Variants in CPQ observed in about 807,000 individuals in gnomAD.
CPQ encodes carboxypeptidase Q.
CPQ carries 37 observed loss-of-function variants against 45.7 expected under a neutral mutation model. The ratio of observed to expected loss-of-function variants is 0.81; its 90% CI spans 0.62 to 1.07. The LOEUF (loss-of-function observed/expected upper bound fraction) is 1.07, where lower values mean the gene tolerates loss of function less well. Ranked by LOEUF, CPQ falls within the 50% of genes least tolerant of loss-of-function variation. CPQ has a pLI of 0.00. For missense variants in CPQ, 537 were observed against 572.9 expected (o/e 0.94, Z 0.64); for synonymous variants, 186 against 205.8 (o/e 0.90, Z 0.82).
intron 1 of CPQ, among the ~76,000 whole-genome samples, chr8:96,750,441 T>A (rs1399547993): frequency 6.6e-6 from 1 of 152,060 alleles, no homozygotes; most frequent in Admixed American, 6.6e-5. Context: ...TATTAGCAAA[T>A]TTAATGACTG....
chr8:97,052,067 G>T (rs1274604829), intron 6 of CPQ, among the ~76,000 whole-genome samples: 1 of 152,118 alleles, frequency 6.6e-6, no homozygotes, highest in Admixed American at 6.6e-5. Flanking sequence ...CCCGTCAGTG[G>T]TCCTCACATG....
At chr8:97,097,476 C>G (rs1180481513) in intron 7 of CPQ, among the ~76,000 whole-genome samples, 1 of 152,086 alleles carries the variant, frequency 6.6e-6, no homozygotes, top group Non-Finnish European at 1.5e-5. Flanking sequence ...GTGATTGTAA[C>G]CCCCATTCTT....
At chr8:96,723,442 C>T (rs1586373775) in intron 1 of CPQ, among the ~76,000 whole-genome samples, 1 of 152,124 alleles carries the variant, frequency 6.6e-6, no homozygotes, top group African/African-American at 2.4e-5. Flanking sequence ...ACTCCCTCCA[C>T]CCCTTTGGTT....
At chr8:97,098,279 G>A (rs1045463713) in intron 7 of CPQ, among the ~76,000 whole-genome samples, 1 of 152,096 alleles carries the variant, frequency 6.6e-6, no homozygotes, top group Non-Finnish European at 1.5e-5. Context: ...TAGGATCTGG[G>A]GAGTCAATGA....
intron 1 of CPQ, among the ~76,000 whole-genome samples, chr8:96,773,587 G>T (rs982384552): frequency 2.0e-5 from 3 of 152,296 alleles, no homozygotes; most frequent in Admixed American, 1.3e-4. Context: ...CGATATAAAG[G>T]TAGGGAAATA....
chr8:96,906,585 CTT>C (rs2130901022), intron 4 of CPQ, among the ~76,000 whole-genome samples: 1 of 152,226 alleles, frequency 6.6e-6, no homozygotes, highest in South Asian at 2.1e-4. Context: ...ACAACAGAAA[CTT>C]ATTTCTCACA....
chr8:97,090,709 T>C (rs189441800), intron 7 of CPQ, among the ~76,000 whole-genome samples: 1 of 152,150 alleles, frequency 6.6e-6, no homozygotes, highest in South Asian at 2.1e-4. Flanking sequence ...CTCTTCCCAA[T>C]AATGAGTCAG....
At chr8:96,950,986 G>A (rs911013947) in intron 4 of CPQ, among the ~76,000 whole-genome samples, 2 of 152,134 alleles carry the variant, frequency 1.3e-5, no homozygotes, top group Admixed American at 6.5e-5. Flanking sequence ...AGAAAGACAA[G>A]GTTAAAATAT....
intron 4 of CPQ, among the ~76,000 whole-genome samples, chr8:96,889,896 A>G (rs957980451): frequency 2.0e-5 from 3 of 152,140 alleles, no homozygotes; most frequent in Admixed American, 1.3e-4. Flanking sequence ...CTTCCCGTCC[A>G]CTGACTCAAA....
Position 97,035,281 on chromosome 8 carries a change from G to C in CPQ, c.1053+5787G>C, listed in dbSNP as rs79431308. Reference sequence around the variant, plus strand: ...ACGAATGAAGCAAGAATATTCTGTTGATGGACATGTGAGTTGTTTCCAGTT... The same window carrying C: ...ACGAATGAAGCAAGAATATTCTGTTCATGGACATGTGAGTTGTTTCCAGTT... On this transcript the variant is annotated intron_variant, in intron 6 of 7. Coordinates refer to ENST00000220763, the MANE Select transcript of CPQ (RefSeq NM_016134.4). 4.5e-3 allele frequency among the ~76,000 whole-genome samples: 690 copies of C among 152,290 alleles called. 6 individuals carry two copies. Among genetic ancestry groups the C allele is most frequent in the Non-Finnish European group, 6.8e-3 (465 of 68,016 alleles).
chr8:96,889,123 T>C (rs1812341518), intron 4 of CPQ, among the ~76,000 whole-genome samples: 1 of 152,160 alleles, frequency 6.6e-6, no homozygotes, highest in African/African-American at 2.4e-5. Flanking sequence ...TGACATGCCA[T>C]GTGAAGGGCC....
intron 1 of CPQ, among the ~76,000 whole-genome samples, chr8:96,783,045 G>C (rs918087726): frequency 2.0e-5 from 3 of 152,174 alleles, no homozygotes; most frequent in African/African-American, 7.2e-5. Context: ...TCTCTAAGAA[G>C]TTCCCGACTT....
In CPQ at chr8:96,877,477, T is replaced by C. The variant is rs545833681; in HGVS notation, c.642-2321T>C. The stretch of plus-strand genomic sequence containing the variant: ...GTAAGAGCCTAAGAACAAGGAGAGT[T>C]TGTTGAATCCCAGACATCACGTAAG... On this transcript the variant is annotated intron_variant, in intron 3 of 7. Transcript: ENST00000220763. Among the ~76,000 whole-genome samples the C allele has an allele frequency of 3.3e-5, 5 of 152,278 alleles. No individual in the cohort carries two copies. In the South Asian group the frequency reaches 1.0e-3, roughly 32 times the overall value.
intron 2 of CPQ, among the ~76,000 whole-genome samples, chr8:96,787,629 AC>A (rs1191704691): frequency 1.4e-5 from 2 of 143,078 alleles, no homozygotes; most frequent in Admixed American, 7.5e-5. Flanking sequence ...GGAAGAGATT[AC>A]AACTGACTGC....
intron 2 of CPQ, among the ~76,000 whole-genome samples, chr8:96,791,543 G>A (rs758013874): frequency 6.6e-6 from 1 of 152,080 alleles, no homozygotes; most frequent in South Asian, 2.1e-4. Flanking sequence ...TTTACTCACC[G>A]GAATCTATTC....
At position 97,143,303 on chromosome 8, in the gene CPQ, C is replaced by A; in HGVS notation, c.*120C>A. On this transcript the variant is annotated 3_prime_UTR_variant, in exon 8 of 8. Coordinates refer to ENST00000220763, the MANE Select transcript of CPQ (RefSeq NM_016134.4). ...TCATCTTCAAAGCACAACTCTATTT[C>A]ATGCTTTCTGTTATTATCTTTCTTG... 1 of 912,896 alleles carries A rather than the reference C, an allele frequency of 1.1e-6. No individual in the cohort carries two copies. The highest frequency in any genetic ancestry group is 1.6e-6 in the Non-Finnish European group (1 of 607,752). The allele number at this position is 912,896 out of a possible 1,614,324, so 56.5% of individuals were successfully genotyped here.
At chr8:97,048,131 G>GTATGTCAGT (rs1563565665) in intron 6 of CPQ, among the ~76,000 whole-genome samples, 2 of 152,130 alleles carry the variant, frequency 1.3e-5, no homozygotes, top group Non-Finnish European at 2.9e-5. Context: ...GAGATTTTAC[G>GTATGTCAGT]TATGTCAGTA....
chr8:96,782,746 A>G (rs1052577471), intron 1 of CPQ, among the ~76,000 whole-genome samples: 1 of 152,040 alleles, frequency 6.6e-6, no homozygotes, highest in Non-Finnish European at 1.5e-5. Flanking sequence ...CTCACATTCT[A>G]TTATATACAT....
chr8:97,128,610 G>C (rs1811886239), intron 7 of CPQ, among the ~76,000 whole-genome samples: 2 of 152,144 alleles, frequency 1.3e-5, no homozygotes, highest in Admixed American at 6.5e-5. Context: ...GCTTGAACCT[G>C]GGAGGTGGAG....
Sources: allele counts gnomAD v4.1 joint callset (sites outside exome capture counted in the v4.1 genomes callset), GRCh38; gene constraint gnomAD v4.1.1; transcripts MANE v1.5; gene names NCBI Gene and HGNC (gene_info 2026-07-23, HGNC 2026-07-21).